Variants in NCEH1 observed in about 807,000 individuals in gnomAD.
The protein encoded by NCEH1 is neutral cholesterol ester hydrolase 1.
NCEH1 carries 9 observed loss-of-function variants against 25.4 expected under a neutral mutation model. The observed-to-expected ratio is 0.35, with a 90% CI of 0.21 to 0.62. NCEH1 has a LOEUF of 0.62. NCEH1 is among the 20% of genes least tolerant of loss of function. The probability of loss-of-function intolerance (pLI) is 0.72; values close to 1 mark genes in which losing one functional copy is unlikely to be tolerated. For missense variants in NCEH1, 412 were observed against 501.1 expected (o/e 0.82, Z 1.70); for synonymous variants, 200 against 199.8 (o/e 1.00, Z -0.01).
intron 1 of NCEH1, among the ~76,000 whole-genome samples, chr3:172,678,407 A>G (rs1712137311): frequency 6.6e-6 from 1 of 151,458 alleles, no homozygotes; most frequent in Admixed American, 6.6e-5. Context: ...AGAATCTGGG[A>G]AAACACACAA....
chr3:172,699,734 G>A (rs112675210), intron 1 of NCEH1, among the ~76,000 whole-genome samples: 8,179 of 152,144 alleles, frequency 0.054, 320 homozygotes, highest in Non-Finnish European at 0.075. Flanking sequence ...GCATGGTGGT[G>A]TATGCCTGTG....
intron 4 of NCEH1, among the ~76,000 whole-genome samples, chr3:172,635,457 T>C (rs1303593550): frequency 6.6e-6 from 1 of 152,180 alleles, no homozygotes; most frequent in African/African-American, 2.4e-5. Context: ...AGATAATATT[T>C]AAATGGCTGA....
intron 1 of NCEH1, among the ~76,000 whole-genome samples, chr3:172,673,213 C>A (rs560469817): frequency 6.6e-6 from 1 of 152,310 alleles, no homozygotes; most frequent in Admixed American, 6.5e-5. Context: ...GACCTATTTA[C>A]AAATGCTTCC....
intron 1 of NCEH1, among the ~76,000 whole-genome samples, chr3:172,668,698 T>G (rs1718345901): frequency 6.6e-6 from 1 of 151,986 alleles, no homozygotes; most frequent in Non-Finnish European, 1.5e-5. Flanking sequence ...TCTCATTTTG[T>G]GAGAAAAATA....
At chr3:172,654,123 G>A (rs1318762573) in intron 1 of NCEH1, among the ~76,000 whole-genome samples, 3 of 152,154 alleles carry the variant, frequency 2.0e-5, no homozygotes, top group Admixed American at 6.5e-5. Flanking sequence ...GGCAAGAGGA[G>A]CATGGCAATA....
At chr3:172,670,515 T>C (rs1434093032) in intron 1 of NCEH1, among the ~76,000 whole-genome samples, 1 of 152,198 alleles carries the variant, frequency 6.6e-6, no homozygotes, top group Non-Finnish European at 1.5e-5. Context: ...CTAAAGGACC[T>C]CTCAAAGCTA....
intron 3 of NCEH1, among the ~76,000 whole-genome samples, chr3:172,639,798 T>C (rs1716766124): frequency 6.6e-6 from 1 of 152,190 alleles, no homozygotes; most frequent in Admixed American, 6.5e-5. Context: ...TTTAATCAAA[T>C]TAATGTGTAC....
chr3:172,648,073 C>T lies in NCEH1; in HGVS notation c.180G>A (p.Leu60=), dbSNP rs1717206238. ...IHYLGLSHHL[L]ALNFIIVSFG... ...AAGAAACAATGATAAAATTCAGTGC[C>T]AGCAGGTGATGGCTCAGTCCCAGGT... Residue 60 remains leucine, a synonymous_variant, in exon 2 of 5, where the codon CTG becomes CTA. Transcript: ENST00000475381. The T allele has an allele frequency of 1.2e-6, 2 of 1,613,968 alleles. No individual in the cohort carries two copies. The highest frequency in any genetic ancestry group is 1.1e-5 in the South Asian group (1 of 91,068).
chr3:172,633,551 G>T lies in NCEH1; in HGVS notation c.1151C>A (p.Thr384Asn). The change falls in exon 5 of 5, where the codon ACT becomes AAT. Residue 384 changes from threonine to asparagine, a missense_variant. By Grantham distance (65) the Thr-to-Asn change is moderately conservative. Around this residue, in one of 3 missense-constraint regions of NCEH1, gnomAD observed 210 missense variants for 258.2 expected, o/e 0.81. Coordinates refer to ENST00000475381, the MANE Select transcript of NCEH1 (RefSeq NM_020792.6). ...CACTGAGAAGTTGGTGGGCCAGCTA[G>T]TGAAAATCATACATCCGTGAAAGCC... ...EDGFHGCMIF[T>N]SWPTNFSVGI... 6.2e-7 allele frequency: 1 copy of T among 1,614,070 alleles called. No individual in the cohort carries two copies. The highest frequency in any genetic ancestry group is 8.5e-7 in the Non-Finnish European group (1 of 1,179,954).
At chr3:172,707,583 T>A (rs187246074) in intron 1 of NCEH1, among the ~76,000 whole-genome samples, 111 of 152,212 alleles carry the variant, frequency 7.3e-4, no homozygotes, top group African/African-American at 2.6e-3. Flanking sequence ...CGTTTTTTAT[T>A]TTTATTATTA....
intron 1 of NCEH1, among the ~76,000 whole-genome samples, chr3:172,684,068 G>A (rs185547977): frequency 2.0e-5 from 3 of 152,332 alleles, no homozygotes; most frequent in East Asian, 3.9e-4. Context: ...GAATGAGGGA[G>A]TGACTATTTA....
intron 3 of NCEH1, among the ~76,000 whole-genome samples, chr3:172,640,602 G>A (rs1458251750): frequency 1.3e-5 from 2 of 152,102 alleles, no homozygotes; most frequent in African/African-American, 2.4e-5. Context: ...CTGCCTCCCA[G>A]GTTCACGCCA....
intron 3 of NCEH1, among the ~76,000 whole-genome samples, chr3:172,644,193 G>A (rs544508736): frequency 2.0e-5 from 3 of 149,688 alleles, no homozygotes; most frequent in African/African-American, 7.3e-5. Context: ...GGTGACTCTA[G>A]GGCTTTTGAG....
At chr3:172,639,731 T>A (rs1050767576) in intron 3 of NCEH1, among the ~76,000 whole-genome samples, 2 of 152,234 alleles carry the variant, frequency 1.3e-5, no homozygotes, top group African/African-American at 4.8e-5. Context: ...CCTAGCTTTA[T>A]CACTGCATGT....
chr3:172,633,646 G>C lies in NCEH1; in HGVS notation c.1056C>G (p.Asp352Glu). The C allele has an allele frequency of 6.2e-7, 1 of 1,614,076 alleles. No individual in the cohort carries two copies. The highest frequency in any genetic ancestry group is 8.5e-7 in the Non-Finnish European group (1 of 1,179,922). Residue 352 changes from aspartate to glutamate, a missense_variant, in exon 5 of 5, where the codon GAC becomes GAG. Asp to Glu is a conservative substitution (Grantham distance 45, BLOSUM62 2). This residue lies in a region of NCEH1 where 210 missense variants were observed against 258.2 expected (regional missense o/e 0.81). Transcript: ENST00000475381. ...AACGCTTGGCATACATGATGCCATC[G>C]TCTCTGAGGACATCATGCTCACACG... The part of the protein sequence containing the change: ...ILTCEHDVLR[D>E]DGIMYAKRLE...
intron 1 of NCEH1, among the ~76,000 whole-genome samples, chr3:172,648,782 G>C (rs1278816027): frequency 6.6e-6 from 1 of 152,138 alleles, no homozygotes; most frequent in African/African-American, 2.4e-5. Context: ...CTGCCTGATG[G>C]TCTCTTCCCT....
chr3:172,690,238 C>T (rs750601517), intron 1 of NCEH1, among the ~76,000 whole-genome samples: 3 of 152,098 alleles, frequency 2.0e-5, no homozygotes, highest in Admixed American at 6.6e-5. Flanking sequence ...TTTAAGAATA[C>T]AGAGTATGAA....
chr3:172,675,866 C>T (rs1191759137), intron 1 of NCEH1, among the ~76,000 whole-genome samples: 1 of 152,188 alleles, frequency 6.6e-6, no homozygotes, highest in African/African-American at 2.4e-5. Flanking sequence ...ACAGGACCCC[C>T]ACTGATGGTG....
chr3:172,673,700 G>C (rs1438242241), intron 1 of NCEH1, among the ~76,000 whole-genome samples: 1 of 152,204 alleles, frequency 6.6e-6, no homozygotes, highest in Non-Finnish European at 1.5e-5. Flanking sequence ...CAGATTAGCT[G>C]ATCAGGCAGC....
Sources: gnomAD v4.1 joint callset for allele counts (sites outside exome capture counted in the v4.1 genomes callset) on GRCh38, gnomAD v4.1.1 for gene constraint, gnomAD v4.1.1 regional missense constraint, MANE v1.5 for transcripts, NCBI Gene and HGNC (gene_info 2026-07-23, HGNC 2026-07-21) for gene names.